The following SPTB variants were observed in gnomAD, a reference collection of about 807,000 sequenced individuals.
SPTB encodes spectrin beta chain, erythrocytic.
In SPTB, 45 loss-of-function variants were observed where a neutral mutation model predicts 256.2. The ratio of observed to expected loss-of-function variants is 0.18; its 90% CI spans 0.14 to 0.23. The LOEUF is 0.23. Among genes scored for constraint, SPTB ranks in the 10% least tolerant of loss-of-function variants. SPTB has a pLI of 1.00. For synonymous variants in SPTB, 1,231 were observed against 1,243.1 expected, an observed-to-expected ratio of 0.99 and a Z score of 0.21; for missense variants, 2,715 against 3,040.4, an observed-to-expected ratio of 0.89 and a Z score of 2.52.
At chr14:64,787,186 G>GGA (rs761107708) in intron 15 of SPTB, 26 bp from the exon 16 acceptor site, 1 of 1,600,832 alleles carries the variant, frequency 6.2e-7, no homozygotes, top group Non-Finnish European at 8.5e-7. Flanking sequence ...ACAGCCCGGA[G>GGA]GAGAGAGACA....
intron 1 of SPTB, among the ~76,000 whole-genome samples, chr14:64,842,297 C>G (rs1357632855): frequency 2.0e-5 from 3 of 150,012 alleles, no homozygotes; most frequent in African/African-American, 7.3e-5. Context: ...CTCCTTCGTT[C>G]AGCAAGGGCT....
At chr14:64,771,791 C>T (rs2139498844) in intron 26 of SPTB, among the ~76,000 whole-genome samples, 1 of 152,310 alleles carries the variant, frequency 6.6e-6, no homozygotes, top group South Asian at 2.1e-4. Context: ...AGCTGGAGGA[C>T]ACTTCCCTAA....
At position 64,786,174 on chromosome 14, in the gene SPTB, C is replaced by T. The variant is rs1301477074; in HGVS notation, c.3562-223G>A. Among the ~76,000 whole-genome samples, 1 of 152,124 alleles carries T rather than the reference C, an allele frequency of 6.6e-6. No individual in the cohort carries two copies. Among genetic ancestry groups the T allele is most frequent in the African/African-American group, 2.4e-5 (1 of 41,426 alleles). On this transcript the variant is annotated intron_variant, in intron 16 of 35. Coordinates refer to ENST00000644917, the MANE Select transcript of SPTB (RefSeq NM_001355436.2). This position sits in a 1 kb window ranked among gnomAD's most constrained non-coding sequence, Gnocchi z 5.6. ...AAAGCCACATGGAAGGCTAACCACCCAGGGCAAAATGCGCTTCTCTAGCCT... is the reference window on the plus strand; with the variant it reads ...AAAGCCACATGGAAGGCTAACCACCTAGGGCAAAATGCGCTTCTCTAGCCT...
chr14:64,842,002 A>T (rs1044167127), intron 1 of SPTB, among the ~76,000 whole-genome samples: 1 of 152,224 alleles, frequency 6.6e-6, no homozygotes, highest in African/African-American at 2.4e-5. Context: ...ACGGCATGTC[A>T]GTGCCTTACC....
At chr14:64,753,899 A>G (rs1348188759) in intron 32 of SPTB, 106 bp from the exon 33 acceptor site, 28 of 1,469,020 alleles carry the variant, frequency 1.9e-5, no homozygotes, top group Non-Finnish European at 2.6e-5. Context: ...CACACCCCCA[A>G]GCCTACTTCC....
chr14:64,803,898 A>G, intron 3 of SPTB, 118 bp from the exon 4 acceptor site: 1 of 1,062,806 alleles, frequency 9.4e-7, no homozygotes, highest in South Asian at 1.6e-5. Context: ...GCCAAACACC[A>G]AGTCCCATGG....
At chr14:64,804,716 A>G (rs1411159470) in intron 3 of SPTB, among the ~76,000 whole-genome samples, 3 of 152,088 alleles carry the variant, frequency 2.0e-5, no homozygotes, top group African/African-American at 4.8e-5. Context: ...CTTCTGGGAG[A>G]AGCATGAAGG....
chr14:64,874,213 C>T (rs1368817825), intron 1 of SPTB, among the ~76,000 whole-genome samples: 3 of 152,158 alleles, frequency 2.0e-5, no homozygotes, highest in Admixed American at 1.3e-4. Context: ...CACTCGCAGG[C>T]CCCCTCATCC....
In SPTB at chr14:64,790,921, A is replaced by C. The variant is rs1405462766; in HGVS notation, c.2804+798T>G. Among the ~76,000 whole-genome samples the C allele has an allele frequency of 6.6e-6, 1 of 152,192 alleles. No homozygotes were observed. Among genetic ancestry groups the C allele is most frequent in the Non-Finnish European group, 1.5e-5 (1 of 68,036 alleles). On this transcript the variant is annotated intron_variant, in intron 15 of 35. Transcript: ENST00000644917. The surrounding 1 kb of genome is among the most constrained non-coding windows in gnomAD (Gnocchi z 4.8). ...TTTGTTCTGGCCACAAAGCTTGCTT[A>C]AGGCTCCCTGCTAATTCTCCTCTTC...
rs545000052 is a variant in SPTB, at chr14:64,867,019, T to G, written c.-52+12773A>C. Among the ~76,000 whole-genome samples the G allele has an allele frequency of 2.0e-5, 3 of 152,312 alleles. No homozygotes were observed. In the South Asian group the frequency reaches 6.2e-4, roughly 32 times the overall value. ...CACTGAAAAATGAGGTGGGAGTGAC[T>G]GTATTCTGGATGAATAAATTTTTCT... On this transcript the variant is annotated intron_variant, in intron 1 of 35. Coordinates refer to ENST00000644917, the MANE Select transcript of SPTB (RefSeq NM_001355436.2).
intron 25 of SPTB, 75 bp from the exon 26 acceptor site, chr14:64,773,029 T>A: frequency 6.3e-7 from 1 of 1,577,520 alleles, no homozygotes; most frequent in Non-Finnish European, 8.6e-7. Flanking sequence ...AGCCAAAGAC[T>A]TTCCCAGGCA....
chr14:64,795,186 C>A lies in SPTB; in HGVS notation c.1644+151G>T. Reference sequence around the variant, plus strand: ...GGACCAAGAGGCAGAGAGGCAGGTGCAGCTAGACACTTTGCTGCCTCAGTT... The same window carrying A: ...GGACCAAGAGGCAGAGAGGCAGGTGAAGCTAGACACTTTGCTGCCTCAGTT... On this transcript the variant is annotated intron_variant, in intron 12 of 35. Coordinates refer to ENST00000644917, the MANE Select transcript of SPTB (RefSeq NM_001355436.2). The surrounding 1 kb of genome is among the most constrained non-coding windows in gnomAD (Gnocchi z 6.5). The A allele has an allele frequency of 1.1e-6, 1 of 891,206 alleles. No individual in the cohort carries two copies. Among genetic ancestry groups the A allele is most frequent in the South Asian group, 1.7e-5 (1 of 59,988 alleles). 55.2% of individuals were successfully genotyped at this position (891,206 alleles called of 1,614,324 possible).
At chr14:64,875,835 C>T (rs1483394056) in intron 1 of SPTB, among the ~76,000 whole-genome samples, 1 of 152,246 alleles carries the variant, frequency 6.6e-6, no homozygotes, top group African/African-American at 2.4e-5. Flanking sequence ...CATCAGCCCA[C>T]ATAGCACAGT....
rs375151439 is a variant in SPTB, at chr14:64,874,090, C to T, written c.-52+5702G>A. Among the ~76,000 whole-genome samples the T allele has an allele frequency of 7.9e-5, 12 of 152,176 alleles. No homozygotes were observed. The East Asian group carries it at 1.9e-3, about 24-fold the overall frequency. ...AAACTTCCAGTGGCTCAAACTTCTTCACAGGCTGAACCCCAACCACCTTTC... is the reference window on the plus strand; with the variant it reads ...AAACTTCCAGTGGCTCAAACTTCTTTACAGGCTGAACCCCAACCACCTTTC... On this transcript the variant is annotated intron_variant, in intron 1 of 35. Transcript: ENST00000644917.
intron 24 of SPTB, among the ~76,000 whole-genome samples, chr14:64,774,193 C>T (rs947471160): frequency 4.6e-5 from 7 of 152,204 alleles, no homozygotes; most frequent in African/African-American, 1.2e-4. Flanking sequence ...ACCAGGGCCT[C>T]GATGGCCCAG....
At chr14:64,809,505 C>T (rs576323223) in intron 2 of SPTB, among the ~76,000 whole-genome samples, 2 of 151,818 alleles carry the variant, frequency 1.3e-5, no homozygotes, top group African/African-American at 4.8e-5. Flanking sequence ...ACCACCATAC[C>T]CAGCTAATTT....
intron 3 of SPTB, among the ~76,000 whole-genome samples, chr14:64,804,124 C>T (rs1449083357): frequency 1.3e-5 from 2 of 152,216 alleles, no homozygotes; most frequent in Non-Finnish European, 2.9e-5. Flanking sequence ...GAACTGTTTA[C>T]TGCCAGCCAG....
rs1447581780 is a variant in SPTB at position 64,873,788 on chromosome 14, G to A, written c.-52+6004C>T. Among the ~76,000 whole-genome samples, 3 of 152,124 alleles carry A rather than the reference G, an allele frequency of 2.0e-5. No individual in the cohort carries two copies. Among genetic ancestry groups the A allele is most frequent in the Non-Finnish European group, 4.4e-5 (3 of 68,036 alleles). Reference sequence around the variant, plus strand: ...GAACTAGGCAACTGGGTCAAAGTCAGGTTTTGGAATAAACTACTAGAGGGA... The same window carrying A: ...GAACTAGGCAACTGGGTCAAAGTCAAGTTTTGGAATAAACTACTAGAGGGA... On this transcript the variant is annotated intron_variant, in intron 1 of 35. Coordinates refer to ENST00000644917, the MANE Select transcript of SPTB (RefSeq NM_001355436.2). The surrounding 1 kb of genome is among the most constrained non-coding windows in gnomAD (Gnocchi z 4.3).
chr14:64,845,799 C>T lies in SPTB; in HGVS notation c.-51-22654G>A, dbSNP rs79284963. 1.7e-4 allele frequency among the ~76,000 whole-genome samples: 26 copies of T among 152,156 alleles called. No homozygotes were observed. In the South Asian group the frequency reaches 2.3e-3, roughly 13 times the overall value. ...CTTCATTGTTGAGTCAAATTATTTT[C>T]GACTCTTTTAAAATGTTATCATTTT... is the stretch of plus-strand genomic sequence containing the variant. On this transcript the variant is annotated intron_variant, in intron 1 of 35. Coordinates refer to ENST00000644917, the MANE Select transcript of SPTB (RefSeq NM_001355436.2). This position sits in a 1 kb window ranked among gnomAD's most constrained non-coding sequence, Gnocchi z 4.8.
Sources: allele counts gnomAD v4.1 joint callset (sites outside exome capture counted in the v4.1 genomes callset), GRCh38; gene constraint gnomAD v4.1.1; non-coding constraint Gnocchi (gnomAD v3.1); transcripts MANE v1.5; gene names NCBI Gene and HGNC (gene_info 2026-07-23, HGNC 2026-07-21).